TFDP2: variants seen among roughly 807,000 people sequenced by gnomAD.
TFDP2 encodes transcription factor Dp-2, also known as transcription factor Dp-2 (E2F dimerization partner 2).
TFDP2 carries 17 observed loss-of-function variants against 59.3 expected under a neutral mutation model. The observed-to-expected ratio is 0.29, with a 90% CI of 0.20 to 0.43. The LOEUF (loss-of-function observed/expected upper bound fraction) is 0.43. Among genes scored for constraint, TFDP2 ranks in the 20% least tolerant of loss-of-function variants. The probability of loss-of-function intolerance (pLI) is 1.00; values close to 1 mark genes in which losing one functional copy is unlikely to be tolerated. For missense variants in TFDP2, 391 were observed against 528.8 expected (o/e 0.74, Z 2.56); for synonymous variants, 180 against 194.7 (o/e 0.92, Z 0.63).
At chr3:142,027,457 GAAGA>G (rs768365859) in intron 3 of TFDP2, among the ~76,000 whole-genome samples, 3 of 151,800 alleles carry the variant, frequency 2.0e-5, no homozygotes, top group Non-Finnish European at 4.4e-5. Flanking sequence ...CTAACTGAAA[GAAGA>G]AAGACTCTCT....
intron 3 of TFDP2, among the ~76,000 whole-genome samples, chr3:142,075,628 T>A (rs1387840257): frequency 6.6e-6 from 1 of 150,794 alleles, no homozygotes; most frequent in Non-Finnish European, 1.5e-5. Flanking sequence ...ACACATGGTG[T>A]CTCATGACTG....
intron 1 of TFDP2, chr3:142,145,349 G>A (rs937383054): frequency 6.6e-6 from 1 of 152,104 alleles, no homozygotes; most frequent in African/African-American, 2.4e-5. Context: ...AAAGAGAAAT[G>A]GGATCCTGCC....
In TFDP2 at chr3:141,947,589, A is replaced by G. The variant is rs1935395931; in HGVS notation, c.*4924T>C. On this transcript the variant is annotated 3_prime_UTR_variant, in exon 13 of 13. Transcript: ENST00000489671. ...GCCACCACGCCCGGCTAATTTTTGT[A>G]TTTTCTAATGATTTTTCTACTGCAT... 6.6e-6 allele frequency: 1 copy of G among 151,976 alleles called. No individual in the cohort carries two copies. Among genetic ancestry groups the G allele is most frequent in the Middle Eastern group, 3.4e-3 (1 of 294 alleles). The allele number at this position is 151,976 out of a possible 1,614,324, so 9.4% of individuals were successfully genotyped here.
intron 3 of TFDP2, among the ~76,000 whole-genome samples, chr3:142,031,094 A>G (rs999402848): frequency 5.9e-5 from 9 of 152,198 alleles, no homozygotes; most frequent in Non-Finnish European, 8.8e-5. Context: ...CCAATTGTCC[A>G]GAGCTAGACA....
chr3:141,964,893 A>G (rs892120876), intron 9 of TFDP2, among the ~76,000 whole-genome samples: 5 of 152,142 alleles, frequency 3.3e-5, no homozygotes, highest in African/African-American at 2.4e-5. Context: ...TATAAGATAC[A>G]TCAAGGCCTA....
At chr3:141,977,107 T>TATATATATATATATATATATATATA (rs1491255094) in intron 7 of TFDP2, among the ~76,000 whole-genome samples, 20 of 86,606 alleles carry the variant, frequency 2.3e-4, no homozygotes, top group African/African-American at 8.6e-4. Context: ...TATATATATA[T>TATATATATATATATATATATATATA]TTTTTTTTTT....
At chr3:142,070,186 C>T (rs776514190) in intron 3 of TFDP2, among the ~76,000 whole-genome samples, 1 of 152,188 alleles carries the variant, frequency 6.6e-6, no homozygotes, top group African/African-American at 2.4e-5. Flanking sequence ...GGATTATAGG[C>T]GTGAGCCACC....
At chr3:141,984,744 T>C (rs1020048001) in intron 6 of TFDP2, among the ~76,000 whole-genome samples, 1 of 152,228 alleles carries the variant, frequency 6.6e-6, no homozygotes, top group Non-Finnish European at 1.5e-5. Flanking sequence ...TTGTCTTTGA[T>C]GCTTAAGTTT....
Position 142,020,031 on chromosome 3 carries a change from T to C in TFDP2, c.83-14487A>G, listed in dbSNP as rs538277652. 5.3e-5 allele frequency among the ~76,000 whole-genome samples: 8 copies of C among 152,288 alleles called. No individual in the cohort carries two copies. The South Asian group carries it at 1.7e-3, about 32-fold the overall frequency. On this transcript the variant is annotated intron_variant, in intron 3 of 12. Coordinates refer to ENST00000489671, the MANE Select transcript of TFDP2 (RefSeq NM_001178139.2). ...AATAACTACTGTAAAAGACTATCAA[T>C]TAGCTTCAAATACAGTACTGAAGAG...
At chr3:142,075,906 C>CAAAAAAAAAAAAAAAAAAAAA (rs60581045) in intron 3 of TFDP2, among the ~76,000 whole-genome samples, 11 of 80,702 alleles carry the variant, frequency 1.4e-4, no homozygotes, top group African/African-American at 6.0e-4. Flanking sequence ...GAACCTGCCT[C>CAAAAAAAAAAAAAAAAAAAAA]AAAAAAAAAA....
At chr3:141,973,123 A>ATATATATATATTT in intron 8 of TFDP2, among the ~76,000 whole-genome samples, 1 of 58,026 alleles carries the variant, frequency 1.7e-5, no homozygotes, top group African/African-American at 6.5e-5. Context: ...ATATATATAT[A>ATATATATATATTT]TTTTTTTTTT....
intron 3 of TFDP2, among the ~76,000 whole-genome samples, chr3:142,077,011 T>C (rs188121597): frequency 3.6e-4 from 55 of 152,312 alleles, no homozygotes; most frequent in African/African-American, 1.2e-3. Context: ...AGCAGCCATG[T>C]GGCAGAAAGA....
At position 141,947,488 on chromosome 3, in the gene TFDP2, C is replaced by G. The variant is rs1184589079; in HGVS notation, c.*5025G>C. ...GGAGTGCAGTGGCGGGATCTTGGCTCACTGCAACCTCCGCCTCCTGGGTTC... is the reference window on the plus strand; with the variant it reads ...GGAGTGCAGTGGCGGGATCTTGGCTGACTGCAACCTCCGCCTCCTGGGTTC... On this transcript the variant is annotated 3_prime_UTR_variant, in exon 13 of 13. Coordinates refer to ENST00000489671, the MANE Select transcript of TFDP2 (RefSeq NM_001178139.2). 6.6e-6 allele frequency: 1 copy of G among 152,166 alleles called. No individual in the cohort carries two copies. Among genetic ancestry groups the G allele is most frequent in the Admixed American group, 6.5e-5 (1 of 15,274 alleles). 9.4% of individuals were successfully genotyped at this position (152,166 alleles called of 1,614,324 possible). A position where few individuals can be genotyped will look rare whatever the true frequency, so the allele number is the denominator to read the frequency against.
At chr3:141,973,007 TATA>T (rs1366580588) in intron 8 of TFDP2, among the ~76,000 whole-genome samples, 1 of 150,246 alleles carries the variant, frequency 6.7e-6, no homozygotes, top group Non-Finnish European at 1.5e-5. Context: ...CATCCATAAG[TATA>T]ATAATACCAA....
intron 8 of TFDP2, among the ~76,000 whole-genome samples, chr3:141,972,097 T>A (rs1225957226): frequency 2.0e-5 from 3 of 152,214 alleles, no homozygotes; most frequent in Admixed American, 6.5e-5. Flanking sequence ...CATTCATGGT[T>A]CCTCTATCCA....
chr3:142,046,003 T>G (rs1387303523), intron 3 of TFDP2, among the ~76,000 whole-genome samples: 2 of 152,150 alleles, frequency 1.3e-5, no homozygotes, highest in Non-Finnish European at 2.9e-5. Flanking sequence ...ATTTGGAGGA[T>G]TAAAGATCCC....
At chr3:142,123,582 T>C (rs756471640) in intron 1 of TFDP2, among the ~76,000 whole-genome samples, 3 of 152,180 alleles carry the variant, frequency 2.0e-5, no homozygotes, top group Non-Finnish European at 1.5e-5. Context: ...TATGTAAAGC[T>C]ATGGCATGCA....
intron 1 of TFDP2, among the ~76,000 whole-genome samples, chr3:142,109,845 G>A (rs920971748): frequency 5.3e-5 from 8 of 151,918 alleles, no homozygotes; most frequent in Admixed American, 2.6e-4. Flanking sequence ...CATTTTACAC[G>A]TTAAACAGAA....
chr3:142,087,767 G>A (rs1404220996), intron 3 of TFDP2, among the ~76,000 whole-genome samples: 1 of 152,176 alleles, frequency 6.6e-6, no homozygotes, highest in Non-Finnish European at 1.5e-5. Context: ...CTCCCAAAGT[G>A]TTGGGATTAT....
Sources: gnomAD v4.1 joint callset for allele counts (sites outside exome capture counted in the v4.1 genomes callset) on GRCh38, gnomAD v4.1.1 for gene constraint, MANE v1.5 for transcripts, NCBI Gene and HGNC (gene_info 2026-07-23, HGNC 2026-07-21) for gene names.